The following ACSM2B variants were observed in gnomAD, a reference collection of about 807,000 sequenced individuals.
ACSM2B encodes acyl-CoA synthetase medium chain family member 2B, also known as acyl-coenzyme A synthetase ACSM2B, mitochondrial.
Under a neutral mutation model 78.6 loss-of-function variants are expected in ACSM2B, and 58 were observed. The ratio of observed to expected loss-of-function variants is 0.74; its 90% confidence interval spans 0.60 to 0.92. The LOEUF (loss-of-function observed/expected upper bound fraction) is 0.92, where lower values mean the gene tolerates loss of function less well. Among genes scored for constraint, ACSM2B ranks in the 40% least tolerant of loss-of-function variants. The pLI is 0.00. For synonymous variants in ACSM2B, 257 were observed against 256.8 expected (o/e 1.00, Z -0.01); for missense variants, 688 against 711.2 (o/e 0.97, Z 0.37).
At chr16:20,566,686 ATAC>A (rs2015872482) in intron 1 of ACSM2B, among the ~76,000 whole-genome samples, 2 of 4,710 alleles carry the variant, frequency 4.2e-4, no homozygotes, top group African/African-American at 9.7e-4. Context: ...CATATAGTAT[ATAC>A]TATATATAGT....
chr16:20,545,336 G>C, intron 9 of ACSM2B, 78 bp from the exon 10 acceptor site: 2 of 1,512,838 alleles, frequency 1.3e-6, no homozygotes, highest in African/African-American at 1.4e-5. Flanking sequence ...TTGCTGAGTT[G>C]GTCAAATGAA....
rs2015342797 is a variant in ACSM2B, at chr16:20,552,401, G to A, written c.741-104C>T. The A allele has an allele frequency of 2.7e-6, 4 of 1,461,738 alleles. No homozygotes were observed. In the Admixed American group the frequency reaches 8.9e-5, roughly 33 times the overall value. 90.5% of individuals were successfully genotyped at this position (1,461,738 alleles called of 1,614,324 possible). Reference sequence around the variant, plus strand: ...GAAAGGGAGGTGTGTGTGCAGAGGTGTGCGTGTATCTGCCTGCAGGTTTAT... The same window carrying A: ...GAAAGGGAGGTGTGTGTGCAGAGGTATGCGTGTATCTGCCTGCAGGTTTAT... On this transcript the variant is annotated intron_variant, in intron 5 of 13. Transcript: ENST00000329697.
intron 6 of ACSM2B, chr16:20,549,998 ATT>A (rs71377665): frequency 4.9e-5 from 13 of 266,182 alleles, no homozygotes; most frequent in Non-Finnish European, 9.6e-5. Context: ...ATAGGTTTTA[ATT>A]TTTTTTTATC....
At position 20,566,249 on chromosome 16, in the gene ACSM2B, A is replaced by T. The variant is rs11860696; in HGVS notation, c.-8-1396T>A. Among the ~76,000 whole-genome samples, 686 of 29,344 alleles carry T rather than the reference A, an allele frequency of 0.023. 19 individuals carry two copies. In the East Asian group the frequency reaches 0.25, roughly 11 times the overall value. 19.3% of individuals were successfully genotyped at this position (29,344 alleles called of 152,430 possible). A position where few individuals can be genotyped will look rare whatever the true frequency, so the allele number is the denominator to read the frequency against. ...TACCATACTGCCTTCATGGAAGATT[A>T]TATATATATATATATATATATATAT... is the stretch of plus-strand genomic sequence containing the variant. On this transcript the variant is annotated intron_variant, in intron 1 of 13. Coordinates refer to ENST00000329697, the MANE Select transcript of ACSM2B (RefSeq NM_001105069.2).
chr16:20,544,431 G>T, intron 10 of ACSM2B: 1 of 490,008 alleles, frequency 2.0e-6, no homozygotes, highest in Non-Finnish European at 2.6e-6. Flanking sequence ...GATTAAACGA[G>T]TTGAAAGTTT....
chr16:20,552,994 T>G (rs181141995), intron 5 of ACSM2B, among the ~76,000 whole-genome samples: 14 of 152,284 alleles, frequency 9.2e-5, no homozygotes, highest in Admixed American at 2.6e-4. Context: ...CCAAATTTTT[T>G]GGGGGAAGGG....
intron 1 of ACSM2B, among the ~76,000 whole-genome samples, 172 bp downstream of exon 1, chr16:20,576,035 C>T (rs1312179409): frequency 6.7e-6 from 1 of 148,282 alleles, no homozygotes; most frequent in Non-Finnish European, 1.5e-5. Context: ...GTGCCTTTTC[C>T]TCTGCCCAGT....
chr16:20,570,841 T>A (rs1408856365), intron 1 of ACSM2B, among the ~76,000 whole-genome samples: 2 of 151,958 alleles, frequency 1.3e-5, no homozygotes, highest in Non-Finnish European at 2.9e-5. Context: ...CTCCTCTAAG[T>A]TTTTTAGTTT....
At chr16:20,561,941 C>G (rs920636243) in intron 2 of ACSM2B, among the ~76,000 whole-genome samples, 2 of 84,632 alleles carry the variant, frequency 2.4e-5, no homozygotes, top group Admixed American at 1.5e-4. Context: ...TCAATTCCCA[C>G]CTATGAGTGA....
chr16:20,555,574 A>T, intron 3 of ACSM2B, 98 bp from the exon 4 acceptor site: 6 of 1,565,000 alleles, frequency 3.8e-6, no homozygotes, highest in Non-Finnish European at 5.2e-6. Context: ...GTGGGGAAGG[A>T]GAGGATGGGG....
Position 20,545,138 on chromosome 16 carries a change from G to T in ACSM2B, c.1281+19C>A. 5 of 1,605,872 alleles carry T rather than the reference G, an allele frequency of 3.1e-6. No homozygotes were observed. Among genetic ancestry groups the T allele is most frequent in the Non-Finnish European group, 4.3e-6 (5 of 1,174,338 alleles). ...CCATCCTCACTGGGGAACAGAGGAG[G>T]AGAAGCACAGTTTCTCACCACATAG... On this transcript the variant is annotated intron_variant, in intron 10 of 13. Transcript: ENST00000329697.
intron 9 of ACSM2B, among the ~76,000 whole-genome samples, chr16:20,545,539 C>T (rs576123687): frequency 2.0e-5 from 3 of 152,262 alleles, no homozygotes; most frequent in Admixed American, 2.0e-4. Flanking sequence ...CTCCTCTTAC[C>T]TTTGAGACCT....
chr16:20,547,965 A>G (rs1214335101), intron 8 of ACSM2B, 97 bp downstream of exon 8: 19 of 1,568,904 alleles, frequency 1.2e-5, no homozygotes, highest in Admixed American at 3.8e-5. Flanking sequence ...TTCTCAAATA[A>G]ATGAATGATA....
In ACSM2B at chr16:20,572,848, T is replaced by A. The variant is rs568733592; in HGVS notation, c.-9+3359A>T. Among the ~76,000 whole-genome samples the A allele has an allele frequency of 6.6e-5, 10 of 152,142 alleles. No homozygotes were observed. The East Asian group carries it at 1.9e-3, about 29-fold the overall frequency. ...CTTCAAGCTCTGAAGTTATTTCTTC[T>A]GCTTGTTCAATTCTATTGTTGAGGC... On this transcript the variant is annotated intron_variant, in intron 1 of 13. Coordinates refer to ENST00000329697, the MANE Select transcript of ACSM2B (RefSeq NM_001105069.2).
chr16:20,546,984 C>T (rs2015161964), intron 8 of ACSM2B: 3 of 409,760 alleles, frequency 7.3e-6, no homozygotes, highest in South Asian at 1.6e-4. Flanking sequence ...TAAAGTATCT[C>T]CCATGGCAGC....
chr16:20,566,318 TC>T (rs1457065123), intron 1 of ACSM2B, among the ~76,000 whole-genome samples: 2 of 132,718 alleles, frequency 1.5e-5, no homozygotes, highest in Non-Finnish European at 3.2e-5. Context: ...TATATATCCA[TC>T]AGCTTGGAAT....
chr16:20,543,001 T>G lies in ACSM2B; in HGVS notation c.1422A>C (p.Gly474=). The part of the protein sequence containing the change: ...DIINSSGYRI[G]PSEVENALMK... ...TCAGTGCATTCTCTACCTCCGAGGG[T>G]CCAATCCGGTACCTGCAGAAGAACC... Residue 474 remains glycine (G), a synonymous_variant, in exon 12 of 14, where the codon GGA becomes GGC. Coordinates refer to ENST00000329697, the MANE Select transcript of ACSM2B (RefSeq NM_001105069.2). 6.2e-6 allele frequency: 10 copies of G among 1,613,380 alleles called. No individual in the cohort carries two copies. The highest frequency in any genetic ancestry group is 7.6e-6 in the Non-Finnish European group (9 of 1,179,834).
In ACSM2B at chr16:20,543,320, G is replaced by A. The variant is rs1596705770; in HGVS notation, c.1282-58C>T. The stretch of plus-strand genomic sequence containing the variant: ...CTGCAAAGCCTAAATCCCCTGCCCT[G>A]GGGCTGCCATGAACAAATGCTATGA... On this transcript the variant is annotated intron_variant, in intron 10 of 13. Coordinates refer to ENST00000329697, the MANE Select transcript of ACSM2B (RefSeq NM_001105069.2). 17 of 1,611,786 alleles carry A rather than the reference G, an allele frequency of 1.1e-5. No individual in the cohort carries two copies. In the East Asian group the frequency reaches 3.1e-4, roughly 30 times the overall value.
At chr16:20,542,677 T>C (rs1450429228) in intron 12 of ACSM2B, 1 of 548,958 alleles carries the variant, frequency 1.8e-6, no homozygotes, top group Non-Finnish European at 3.2e-6. Context: ...TCACCATACT[T>C]AAGTACTTTA....
Sources: allele counts gnomAD v4.1 joint callset (sites outside exome capture counted in the v4.1 genomes callset), GRCh38; gene constraint gnomAD v4.1.1; transcripts MANE v1.5; gene names NCBI Gene and HGNC (gene_info 2026-07-23, HGNC 2026-07-21).